NCK1: variants seen among roughly 807,000 people sequenced by gnomAD.
NCK1 encodes NCK adaptor protein 1, also known as SH2/SH3 adapter protein NCK1.
In NCK1, 19 loss-of-function variants were observed where a neutral mutation model predicts 36.6. The ratio of observed to expected loss-of-function variants is 0.52; its 90% CI spans 0.36 to 0.76. The LOEUF (loss-of-function observed/expected upper bound fraction) is 0.76, where lower values mean the gene tolerates loss of function less well. Ranked by LOEUF, NCK1 falls within the 30% of genes least tolerant of loss-of-function variation. The probability of loss-of-function intolerance (pLI) is 0.00; values close to 1 mark genes in which losing one functional copy is unlikely to be tolerated. For synonymous variants in NCK1, 165 were observed against 156.0 expected (o/e 1.06, Z -0.43); for missense variants, 358 against 445.6 (o/e 0.80, Z 1.77).
At chr3:136,940,097 A>C (rs1323786175) in intron 2 of NCK1, among the ~76,000 whole-genome samples, 1 of 152,106 alleles carries the variant, frequency 6.6e-6, no homozygotes, top group Non-Finnish European at 1.5e-5. Context: ...TCCTGGGCTC[A>C]AGTGATCCCC....
At chr3:136,885,965 G>C (rs961340175) in intron 1 of NCK1, among the ~76,000 whole-genome samples, 1 of 152,158 alleles carries the variant, frequency 6.6e-6, no homozygotes, top group Admixed American at 6.6e-5. Context: ...ATCTGAACGT[G>C]TACAAAAGCA....
intron 1 of NCK1, among the ~76,000 whole-genome samples, chr3:136,926,468 G>A (rs1347740688): frequency 6.6e-6 from 1 of 151,782 alleles, no homozygotes; most frequent in Non-Finnish European, 1.5e-5. Flanking sequence ...GTAGAGACAG[G>A]GTTTTACCGT....
At chr3:136,942,055 G>A (rs1355373520) in intron 2 of NCK1, among the ~76,000 whole-genome samples, 1 of 152,122 alleles carries the variant, frequency 6.6e-6, no homozygotes, top group African/African-American at 2.4e-5. Context: ...GGCCAGGCTG[G>A]TTTCGATCTC....
At chr3:136,937,958 G>A (rs1292675869) in intron 2 of NCK1, among the ~76,000 whole-genome samples, 2 of 152,008 alleles carry the variant, frequency 1.3e-5, no homozygotes, top group African/African-American at 4.8e-5. Flanking sequence ...TGGAAGGAGA[G>A]CATCCTTGTT....
At chr3:136,873,821 C>T (rs558809850) in intron 1 of NCK1, among the ~76,000 whole-genome samples, 12 of 152,308 alleles carry the variant, frequency 7.9e-5, no homozygotes, top group South Asian at 2.1e-4. Context: ...TCTGCCGCCA[C>T]GTGAGACATG....
intron 1 of NCK1, among the ~76,000 whole-genome samples, chr3:136,880,710 T>C (rs966287848): frequency 1.3e-5 from 2 of 152,038 alleles, no homozygotes; most frequent in African/African-American, 2.4e-5. Flanking sequence ...GTTCAAGGGA[T>C]CCTCATGTTT....
chr3:136,928,471 A>C, intron 2 of NCK1: 3 of 454,714 alleles, frequency 6.6e-6, no homozygotes, highest in East Asian at 3.7e-5. Flanking sequence ...AGTAGAACTA[A>C]CTCTCACCTT....
chr3:136,896,874 A>G (rs1939405389), intron 1 of NCK1, among the ~76,000 whole-genome samples: 1 of 152,186 alleles, frequency 6.6e-6, no homozygotes, highest in Non-Finnish European at 1.5e-5. Context: ...TAAACATGCA[A>G]GTGCAGGTAT....
At chr3:136,866,251 G>T (rs1938406263) in intron 1 of NCK1, among the ~76,000 whole-genome samples, 1 of 151,208 alleles carries the variant, frequency 6.6e-6, no homozygotes, top group Admixed American at 6.6e-5. Context: ...ACCAATCTCT[G>T]ATTCTTATTT....
Position 136,893,189 on chromosome 3 carries a change from T to TACACACACACAC in NCK1, c.-19+30837_-19+30838insCACACACACACA, listed in dbSNP as rs1487055285. On this transcript the variant is annotated intron_variant, in intron 1 of 3. Transcript: ENST00000481752. Reference sequence around the variant, plus strand: ...GTGTGTGTGTGTGTGTATATATATATATACACACATGTGCAAGTATCTTTT... The same window carrying TACACACACACAC: ...GTGTGTGTGTGTGTGTATATATATATACACACACACACATACACACATGTGCAAGTATCTTTT... 2.2e-4 allele frequency among the ~76,000 whole-genome samples: 27 copies of TACACACACACAC among 123,044 alleles called. 1 individual carries two copies. Among genetic ancestry groups the TACACACACACAC allele is most frequent in the East Asian group, 8.0e-4 (3 of 3,750 alleles). The allele number at this position is 123,044 out of a possible 152,430, so 80.7% of individuals were successfully genotyped here. A position where few individuals can be genotyped will look rare whatever the true frequency, so the allele number is the denominator to read the frequency against.
Position 136,946,295 on chromosome 3 carries a change from G to C in NCK1, c.939G>C (p.Ser313=). ...TCCTCATTCGTGATAGTGAATCTTC[G>C]GTAAGTTGATTTTCGGAGGTAAATA... ...GDFLIRDSES[S]PNDFSVSLKA... is the part of the protein sequence containing the mutation. Residue 313 remains serine, a splice_region_variant and synonymous_variant, in exon 3 of 4, where the codon TCG becomes TCC. Transcript: ENST00000481752. The C allele has an allele frequency of 3.7e-6, 6 of 1,601,644 alleles. No homozygotes were observed. The highest frequency in any genetic ancestry group is 5.1e-6 in the Non-Finnish European group (6 of 1,172,214).
intron 1 of NCK1, among the ~76,000 whole-genome samples, chr3:136,865,216 A>G (rs533384905): frequency 5.9e-5 from 9 of 151,926 alleles, no homozygotes; most frequent in Non-Finnish European, 1.2e-4. Context: ...TCGGCCTCCC[A>G]AAGTGCTGGG....
At chr3:136,915,476 C>T (rs542865309) in intron 1 of NCK1, among the ~76,000 whole-genome samples, 7 of 152,262 alleles carry the variant, frequency 4.6e-5, no homozygotes, top group Admixed American at 2.0e-4. Flanking sequence ...TAAGAATGTA[C>T]GGAGTGTACT....
At chr3:136,862,453 C>G (rs548248687) in intron 1 of NCK1, 100 bp downstream of exon 1, 1 of 152,674 alleles carries the variant, frequency 6.5e-6, no homozygotes, top group East Asian at 1.9e-4. Context: ...CCTCTTCTCG[C>G]GCTGAGTTAG....
intron 1 of NCK1, among the ~76,000 whole-genome samples, chr3:136,869,919 G>A (rs1338077710): frequency 6.6e-6 from 1 of 151,696 alleles, no homozygotes; most frequent in Non-Finnish European, 1.5e-5. Flanking sequence ...TTGCTGAATT[G>A]GACATGAATA....
Position 136,951,307 on chromosome 3 carries a change from C to T in NCK1, c.*2854C>T, listed in dbSNP as rs1940965237. ...TCTAGAAGTTTGAATTTCACTCCCA[C>T]CTTGTTGCTGGGGTACCTTCTTCAG... On this transcript the variant is annotated 3_prime_UTR_variant, in exon 4 of 4. Transcript: ENST00000481752. 6.6e-6 allele frequency among the ~76,000 whole-genome samples: 1 copy of T among 152,192 alleles called. No individual in the cohort carries two copies. Among genetic ancestry groups the T allele is most frequent in the Non-Finnish European group, 1.5e-5 (1 of 68,014 alleles).
At chr3:136,901,709 C>T (rs1939546112) in intron 1 of NCK1, among the ~76,000 whole-genome samples, 1 of 151,962 alleles carries the variant, frequency 6.6e-6, no homozygotes, top group African/African-American at 2.4e-5. Flanking sequence ...TTTTGTATTT[C>T]TGTGGAATTA....
chr3:136,929,409 G>A (rs1351441514), intron 2 of NCK1, among the ~76,000 whole-genome samples: 1 of 152,148 alleles, frequency 6.6e-6, no homozygotes, highest in Non-Finnish European at 1.5e-5. Context: ...AATATTTCCA[G>A]TGTTCTAAAG....
intron 2 of NCK1, among the ~76,000 whole-genome samples, chr3:136,933,402 G>T (rs906659970): frequency 1.3e-5 from 2 of 152,174 alleles, no homozygotes; most frequent in African/African-American, 4.8e-5. Context: ...GCCTCAGGGA[G>T]CACAGCTGTC....
Sources: allele counts gnomAD v4.1 joint callset (sites outside exome capture counted in the v4.1 genomes callset), GRCh38; gene constraint gnomAD v4.1.1; transcripts MANE v1.5; gene names NCBI Gene and HGNC (gene_info 2026-07-23, HGNC 2026-07-21).